Variants in OLFM2 observed in about 807,000 individuals in gnomAD.
OLFM2 encodes olfactomedin 2, also known as noelin-2.
OLFM2 carries 20 observed loss-of-function variants against 43.9 expected under a neutral mutation model. The observed-to-expected ratio is 0.46, with a 90% CI of 0.32 to 0.66. OLFM2 has a LOEUF of 0.66. Among genes scored for constraint, OLFM2 ranks in the 30% least tolerant of loss-of-function variants. The probability of loss-of-function intolerance (pLI) is 0.04; values close to 1 mark genes in which losing one functional copy is unlikely to be tolerated. For missense variants in OLFM2, 416 were observed against 643.6 expected (o/e 0.65, Z 3.83); for synonymous variants, 268 against 278.6 (o/e 0.96, Z 0.38).
intron 1 of OLFM2, among the ~76,000 whole-genome samples, chr19:9,885,247 G>C (rs2046576268): frequency 6.6e-6 from 1 of 152,186 alleles, no homozygotes; most frequent in African/African-American, 2.4e-5. Context: ...GCAATTCCCA[G>C]ACTGGGAGGC....
intron 1 of OLFM2, among the ~76,000 whole-genome samples, chr19:9,903,149 C>T (rs970252702): frequency 6.6e-6 from 1 of 152,184 alleles, no homozygotes; most frequent in African/African-American, 2.4e-5. Context: ...CCACTTTGGC[C>T]TCTCAAAGCG....
chr19:9,898,145 A>G (rs1391737101), intron 1 of OLFM2, among the ~76,000 whole-genome samples: 1 of 145,610 alleles, frequency 6.9e-6, no homozygotes, highest in Non-Finnish European at 1.5e-5. Context: ...TCCTGACCTC[A>G]GGTGATACAC....
At chr19:9,931,705 T>C (rs2086483020) in intron 1 of OLFM2, among the ~76,000 whole-genome samples, 1 of 139,490 alleles carries the variant, frequency 7.2e-6, no homozygotes, top group African/African-American at 2.9e-5. Context: ...CAAGACTCCA[T>C]CTCAAAAATA....
chr19:9,864,027 T>C (rs1005420284), intron 1 of OLFM2, among the ~76,000 whole-genome samples: 2 of 152,248 alleles, frequency 1.3e-5, no homozygotes, highest in African/African-American at 4.8e-5. Context: ...TAACATTCAC[T>C]GCAGGTGTGC....
intron 1 of OLFM2, among the ~76,000 whole-genome samples, chr19:9,922,989 C>A (rs2086430324): frequency 6.6e-6 from 1 of 151,680 alleles, no homozygotes; most frequent in African/African-American, 2.4e-5. Flanking sequence ...GGATATGGAG[C>A]AACTGGAACA....
intron 2 of OLFM2, among the ~76,000 whole-genome samples, chr19:9,859,006 C>T (rs563732161): frequency 1.8e-3 from 277 of 152,006 alleles, no homozygotes; most frequent in African/African-American, 6.5e-3. Context: ...AAGGTAGACT[C>T]TCACCTGGCT....
intron 1 of OLFM2, among the ~76,000 whole-genome samples, chr19:9,921,671 G>A (rs1047664324): frequency 1.3e-5 from 2 of 151,944 alleles, no homozygotes; most frequent in Admixed American, 6.6e-5. Context: ...ATTTTTAGTA[G>A]AGACGGGGTT....
chr19:9,860,964 AC>A (rs1207397830), intron 1 of OLFM2, among the ~76,000 whole-genome samples, 170 bp from the exon 2 acceptor site: 3 of 152,110 alleles, frequency 2.0e-5, no homozygotes, highest in African/African-American at 7.2e-5. Flanking sequence ...GCCTCATTTC[AC>A]GGATGGCAAG....
intron 1 of OLFM2, among the ~76,000 whole-genome samples, chr19:9,896,337 G>T (rs1437920069): frequency 2.6e-5 from 4 of 151,760 alleles, no homozygotes; most frequent in Non-Finnish European, 5.9e-5. Context: ...CTCACCTTGT[G>T]ATCCGCCCGC....
Position 9,854,151 on chromosome 19 carries a change from G to GC in OLFM2, c.*34dup, listed in dbSNP as rs2046293956. On this transcript the variant is annotated 3_prime_UTR_variant, in exon 6 of 6. Transcript: ENST00000264833. The surrounding 1 kb of genome is among the most constrained non-coding windows in gnomAD (Gnocchi z 9.5). ...TGAAAAGGGCCCCCAGCCCCCAGAG[G>GC]CCCCCCAGGCAGCAGCCCGAGCCAC... is the stretch of plus-strand genomic sequence containing the variant. 1.9e-6 allele frequency: 3 copies of GC among 1,604,280 alleles called. No individual in the cohort carries two copies. The highest frequency in any genetic ancestry group is 2.6e-6 in the Non-Finnish European group (3 of 1,171,764).
chr19:9,869,243 T>A (rs759345457), intron 1 of OLFM2, among the ~76,000 whole-genome samples: 2 of 152,014 alleles, frequency 1.3e-5, no homozygotes, highest in Admixed American at 6.6e-5. Context: ...TCTCCCACAG[T>A]CCTCCCAAAA....
chr19:9,908,307 C>T (rs1250404354), intron 1 of OLFM2, among the ~76,000 whole-genome samples: 2 of 151,226 alleles, frequency 1.3e-5, no homozygotes, highest in Admixed American at 6.6e-5. Flanking sequence ...TTTATTTTTC[C>T]TCTTTTTCTT....
intron 1 of OLFM2, among the ~76,000 whole-genome samples, chr19:9,891,549 G>T (rs529960343): frequency 6.6e-6 from 1 of 150,862 alleles, no homozygotes; most frequent in African/African-American, 2.4e-5. Flanking sequence ...TGCTTGAACC[G>T]GGAGGCAGAG....
chr19:9,886,500 G>A (rs748110923), intron 1 of OLFM2, among the ~76,000 whole-genome samples: 20 of 151,926 alleles, frequency 1.3e-4, no homozygotes, highest in Non-Finnish European at 2.4e-4. Flanking sequence ...GGCCCTAAGA[G>A]GGTATTTATG....
At chr19:9,886,901 C>T (rs1299609821) in intron 1 of OLFM2, among the ~76,000 whole-genome samples, 1 of 152,024 alleles carries the variant, frequency 6.6e-6, no homozygotes, top group Non-Finnish European at 1.5e-5. Context: ...CCAGGCTGGT[C>T]TCAAACTCCT....
chr19:9,880,581 A>G (rs948172689), intron 1 of OLFM2, among the ~76,000 whole-genome samples: 1 of 152,136 alleles, frequency 6.6e-6, no homozygotes, highest in African/African-American at 2.4e-5. Flanking sequence ...TGAGCAAGAG[A>G]GCGAGACCCC....
intron 1 of OLFM2, among the ~76,000 whole-genome samples, chr19:9,862,988 CAAAA>C: frequency 7.4e-6 from 1 of 135,734 alleles, no homozygotes; most frequent in African/African-American, 2.8e-5. Context: ...AACTCTGTCT[CAAAA>C]AAAAAAAAAA....
intron 1 of OLFM2, among the ~76,000 whole-genome samples, chr19:9,908,866 C>T (rs1364770896): frequency 1.3e-5 from 2 of 151,890 alleles, no homozygotes; most frequent in East Asian, 3.9e-4. Flanking sequence ...TGTGAGCCAC[C>T]GTGCCTGGCT....
rs1402287891 is a variant in OLFM2, at chr19:9,857,045, C to G, written c.581-132G>C. 1 of 878,192 alleles carries G rather than the reference C, an allele frequency of 1.1e-6. No homozygotes were observed. Among genetic ancestry groups the G allele is most frequent in the African/African-American group, 1.7e-5 (1 of 60,084 alleles). 54.4% of individuals were successfully genotyped at this position (878,192 alleles called of 1,614,324 possible). A position where few individuals can be genotyped will look rare whatever the true frequency, so the allele number is the denominator to read the frequency against. The stretch of plus-strand genomic sequence containing the variant: ...TGAGGGAAGACTCAAAAATCTGGTC[C>G]CAATATGTTGTTCAGTTGTGAGTGA... On this transcript the variant is annotated intron_variant, in intron 4 of 5. Coordinates refer to ENST00000264833, the MANE Select transcript of OLFM2 (RefSeq NM_058164.4). This position sits in a 1 kb window ranked among gnomAD's most constrained non-coding sequence, Gnocchi z 5.7.
Sources: allele counts gnomAD v4.1 joint callset (sites outside exome capture counted in the v4.1 genomes callset), GRCh38; gene constraint gnomAD v4.1.1; non-coding constraint Gnocchi (gnomAD v3.1); transcripts MANE v1.5; gene names NCBI Gene and HGNC (gene_info 2026-07-23, HGNC 2026-07-21).